Variants in CNTNAP4 observed in about 807,000 individuals in gnomAD.
The protein encoded by CNTNAP4 is contactin associated protein family member 4.
In CNTNAP4, 98 loss-of-function variants were observed where a neutral mutation model predicts 148.4. That is an observed-to-expected ratio of 0.66 (90% CI 0.56 to 0.78). The LOEUF is 0.78. Ranked by LOEUF, CNTNAP4 falls within the 30% of genes least tolerant of loss-of-function variation. The pLI is 0.00. For synonymous variants in CNTNAP4, 730 were observed against 565.1 expected, an observed-to-expected ratio of 1.29 and a Z score of -4.14; for missense variants, 1,935 against 1,565.6, an observed-to-expected ratio of 1.24 and a Z score of -3.98.
At chr16:76,407,544 A>G (rs1434312159) in intron 3 of CNTNAP4, among the ~76,000 whole-genome samples, 1 of 152,030 alleles carries the variant, frequency 6.6e-6, no homozygotes, top group African/African-American at 2.4e-5. Flanking sequence ...GGGGTTCAAG[A>G]CTTCAGTGGA....
At position 76,482,936 on chromosome 16, in the gene CNTNAP4, A is replaced by G. The variant is rs555613574; in HGVS notation, c.1882+3398A>G. On this transcript the variant is annotated intron_variant, in intron 12 of 23. Coordinates refer to ENST00000611870, the MANE Select transcript of CNTNAP4 (RefSeq NM_033401.5). The stretch of plus-strand genomic sequence containing the variant: ...TTCAGTATGCACTGGCAACTCTGGT[A>G]TGCGAGAATTAAACATAACAAATGT... Among the ~76,000 whole-genome samples, 8 of 152,328 alleles carry G rather than the reference A, an allele frequency of 5.3e-5. No individual in the cohort carries two copies. The East Asian group carries it at 1.3e-3, about 26-fold the overall frequency.
At chr16:76,377,520 G>A (rs949390877) in intron 3 of CNTNAP4, among the ~76,000 whole-genome samples, 4 of 152,140 alleles carry the variant, frequency 2.6e-5, no homozygotes, top group Admixed American at 6.5e-5. Flanking sequence ...TAAGAAGAAG[G>A]TGTGGGCAGG....
At position 76,334,102 on chromosome 16, in the gene CNTNAP4, AGCACACCAACATG is replaced by A. The variant is rs532132956; in HGVS notation, c.196+17585_196+17597del. 2.6e-5 allele frequency among the ~76,000 whole-genome samples: 4 copies of A among 152,028 alleles called. No homozygotes were observed. In the East Asian group the frequency reaches 7.7e-4, roughly 29 times the overall value. ...CACTAAATGACGAGTTAATGGATGC[AGCACACCAACATG>A]GCACATGTATACATGTGTAACAAAC... On this transcript the variant is annotated intron_variant, in intron 2 of 23. Coordinates refer to ENST00000611870, the MANE Select transcript of CNTNAP4 (RefSeq NM_033401.5).
At chr16:76,289,162 T>A (rs1458781908) in intron 1 of CNTNAP4, among the ~76,000 whole-genome samples, 1 of 152,156 alleles carries the variant, frequency 6.6e-6, no homozygotes, top group Non-Finnish European at 1.5e-5. Context: ...AAAAGATACA[T>A]CATGAGTATA....
At chr16:76,552,262 G>T (rs558123885) in intron 21 of CNTNAP4, among the ~76,000 whole-genome samples, 53 of 152,226 alleles carry the variant, frequency 3.5e-4, no homozygotes, top group African/African-American at 1.3e-3. Flanking sequence ...CTCCCACAGG[G>T]TCCCTCCCTT....
intron 2 of CNTNAP4, among the ~76,000 whole-genome samples, chr16:76,332,381 C>T (rs948478117): frequency 6.6e-6 from 1 of 152,070 alleles, no homozygotes; most frequent in Non-Finnish European, 1.5e-5. Flanking sequence ...CTGCCTTAGT[C>T]TCCTGAGTAG....
At position 76,448,859 on chromosome 16, in the gene CNTNAP4, C is replaced by T. The variant is rs767039022; in HGVS notation, c.835C>T (p.Arg279Cys). ...GCATTGGCATTCAGTGCTCATCCAG[C>T]GTTTGGGCAAACAAGTCAACTTCAC... ...DQHWHSVLIQRLGKQVNFTVD... is the reference protein window; with the variant it reads ...DQHWHSVLIQCLGKQVNFTVD... Residue 279 changes from arginine to cysteine, a missense_variant, in exon 6 of 24, where the codon CGT becomes TGT. By Grantham distance (180) the Arg-to-Cys change is radical (BLOSUM62 -3). Transcript: ENST00000611870. The T allele has an allele frequency of 3.1e-6, 5 of 1,613,294 alleles. No homozygotes were observed. Among genetic ancestry groups the T allele is most frequent in the East Asian group, 2.2e-5 (1 of 44,854 alleles).
intron 2 of CNTNAP4, among the ~76,000 whole-genome samples, chr16:76,354,973 C>G (rs2012380925): frequency 6.6e-6 from 1 of 152,176 alleles, no homozygotes; most frequent in African/African-American, 2.4e-5. Flanking sequence ...AAAGGGGTAG[C>G]AGAGCACACC....
At position 76,553,284 on chromosome 16, in the gene CNTNAP4, A is replaced by G. The variant is rs773269330; in HGVS notation, c.3444A>G (p.Glu1148=). The change falls in exon 22 of 24, where the codon GAA becomes GAG. Residue 1148 remains glutamate (E), a splice_region_variant and synonymous_variant. Coordinates refer to ENST00000611870, the MANE Select transcript of CNTNAP4 (RefSeq NM_033401.5). ...TTCGGTGTTTCTTTGAATTTCTAGAACACAGTGATGTGGACCAGGATACTG... is the reference window on the plus strand; with the variant it reads ...TTCGGTGTTTCTTTGAATTTCTAGAGCACAGTGATGTGGACCAGGATACTG... ...VKSLVLGRIL[E]HSDVDQDTAL... is the part of the protein sequence containing the mutation. 1.9e-5 allele frequency: 30 copies of G among 1,581,936 alleles called. No individual in the cohort carries two copies. The highest frequency in any genetic ancestry group is 2.3e-5 in the Non-Finnish European group (27 of 1,154,632).
chr16:76,452,426 G>A, intron 7 of CNTNAP4, 82 bp from the exon 8 acceptor site: 5 of 1,405,704 alleles, frequency 3.6e-6, no homozygotes, highest in Non-Finnish European at 5.0e-6. Context: ...GATAATGTGA[G>A]ATTGAAAAGC....
chr16:76,471,700 C>T (rs4888512), intron 10 of CNTNAP4, among the ~76,000 whole-genome samples: 130,879 of 152,114 alleles, frequency 0.86, 58,991 homozygotes, highest in Non-Finnish European at 0.99. Context: ...TATACTCACA[C>T]ACAGGGTTTA....
chr16:76,530,992 A>C (rs892413670), intron 17 of CNTNAP4, among the ~76,000 whole-genome samples: 1 of 152,138 alleles, frequency 6.6e-6, no homozygotes, highest in African/African-American at 2.4e-5. Context: ...TTCTGCCCCA[A>C]GTTAATTTGT....
At chr16:76,390,084 G>C (rs1315043988) in intron 3 of CNTNAP4, among the ~76,000 whole-genome samples, 1 of 152,194 alleles carries the variant, frequency 6.6e-6, no homozygotes, top group African/African-American at 2.4e-5. Context: ...GTATCCATCA[G>C]AGGAGCAAGG....
At chr16:76,513,229 G>T (rs969801962) in intron 15 of CNTNAP4, among the ~76,000 whole-genome samples, 2 of 152,184 alleles carry the variant, frequency 1.3e-5, no homozygotes, top group African/African-American at 4.8e-5. Flanking sequence ...GGTGGTGGGT[G>T]CTTAGAGGAG....
At chr16:76,279,912 A>C (rs889329540) in intron 1 of CNTNAP4, among the ~76,000 whole-genome samples, 4 of 152,180 alleles carry the variant, frequency 2.6e-5, no homozygotes, top group African/African-American at 9.7e-5. Context: ...GGTGGAAAGT[A>C]CTTCATATGT....
intron 3 of CNTNAP4, among the ~76,000 whole-genome samples, chr16:76,391,097 G>A (rs1039740820): frequency 1.3e-5 from 2 of 152,056 alleles, no homozygotes; most frequent in African/African-American, 2.4e-5. Context: ...ATAGTAGGTC[G>A]TATTCTTTCT....
chr16:76,449,652 A>G (rs890079276), intron 6 of CNTNAP4, 63 bp from the exon 7 acceptor site: 11 of 1,366,770 alleles, frequency 8.0e-6, no homozygotes, highest in Non-Finnish European at 1.1e-5. Flanking sequence ...CTTGCTAATC[A>G]TAATTAAGCA....
chr16:76,446,207 A>G (rs920137278), intron 4 of CNTNAP4, among the ~76,000 whole-genome samples: 16 of 152,234 alleles, frequency 1.1e-4, no homozygotes, highest in African/African-American at 2.9e-4. Context: ...AATCAAATGC[A>G]TATTTGGGCT....
chr16:76,484,979 C>G (rs1165084032), intron 12 of CNTNAP4, among the ~76,000 whole-genome samples: 4 of 152,188 alleles, frequency 2.6e-5, no homozygotes, highest in African/African-American at 9.6e-5. Flanking sequence ...AAAAAAATCT[C>G]TATTTTGAAT....
Sources: gnomAD v4.1 joint callset for allele counts (sites outside exome capture counted in the v4.1 genomes callset) on GRCh38, gnomAD v4.1.1 for gene constraint, MANE v1.5 for transcripts, NCBI Gene and HGNC (gene_info 2026-07-23, HGNC 2026-07-21) for gene names.